OXR1: variants seen among roughly 807,000 people sequenced by gnomAD.
OXR1 encodes the protein oxidation resistance protein 1.
OXR1 carries 41 observed loss-of-function variants against 104.6 expected under a neutral mutation model. The observed-to-expected ratio is 0.39, with a 90% CI of 0.31 to 0.51. The LOEUF is 0.51. Among genes scored for constraint, OXR1 ranks in the 20% least tolerant of loss-of-function variants. The probability of loss-of-function intolerance (pLI) is 0.77; values close to 1 mark genes in which losing one functional copy is unlikely to be tolerated. For missense variants in OXR1, 955 were observed against 1,031.9 expected (o/e 0.93, Z 1.02); for synonymous variants, 348 against 348.4 (o/e 1.00, Z 0.01).
chr8:106,694,874 AT>A (rs892845148), intron 7 of OXR1, among the ~76,000 whole-genome samples: 6 of 92,734 alleles, frequency 6.5e-5, no homozygotes, highest in African/African-American at 2.9e-4. Flanking sequence ...TTTATATATA[AT>A]ATATATATTT....
chr8:106,705,279 C>G (rs1053610473), intron 8 of OXR1, among the ~76,000 whole-genome samples: 1 of 152,088 alleles, frequency 6.6e-6, no homozygotes, highest in African/African-American at 2.4e-5. Flanking sequence ...TATTTAATAA[C>G]AAACTAGATT....
chr8:106,605,993 C>T (rs1820353026), intron 3 of OXR1, among the ~76,000 whole-genome samples: 1 of 121,408 alleles, frequency 8.2e-6, no homozygotes, highest in African/African-American at 3.4e-5. Context: ...AAGTGTTTAC[C>T]AGATGTATTA....
At chr8:106,696,224 T>C (rs1002651584) in intron 7 of OXR1, among the ~76,000 whole-genome samples, 7 of 152,228 alleles carry the variant, frequency 4.6e-5, no homozygotes, top group Non-Finnish European at 8.8e-5. Flanking sequence ...TCATAGAGTA[T>C]GATTGAATGA....
chr8:106,293,928 T>C (rs572163627), intron 1 of OXR1, among the ~76,000 whole-genome samples: 2 of 151,334 alleles, frequency 1.3e-5, no homozygotes, highest in South Asian at 4.2e-4. Context: ...ATTCAGACCA[T>C]AGCATTATGA....
At chr8:106,586,358 A>G (rs1269457388) in intron 3 of OXR1, among the ~76,000 whole-genome samples, 1 of 152,224 alleles carries the variant, frequency 6.6e-6, no homozygotes, top group Non-Finnish European at 1.5e-5. Context: ...CAAAGCAGTC[A>G]TGTATTCCTC....
At chr8:106,438,025 T>G (rs1433334731) in intron 2 of OXR1, among the ~76,000 whole-genome samples, 1 of 152,174 alleles carries the variant, frequency 6.6e-6, no homozygotes, top group Non-Finnish European at 1.5e-5. Context: ...GCAGCATATT[T>G]GATGTGTGAT....
At chr8:106,585,829 G>A (rs1818587670) in intron 3 of OXR1, among the ~76,000 whole-genome samples, 1 of 152,130 alleles carries the variant, frequency 6.6e-6, no homozygotes, top group African/African-American at 2.4e-5. Flanking sequence ...CCAAGAAGCA[G>A]GAAAGTAAGG....
chr8:106,496,952 G>A (rs1443631000), intron 2 of OXR1, among the ~76,000 whole-genome samples: 1 of 152,118 alleles, frequency 6.6e-6, no homozygotes, highest in East Asian at 1.9e-4. Flanking sequence ...CAAGGAAGGG[G>A]GCACTTCCTT....
chr8:106,719,289 G>A (rs562903897), intron 11 of OXR1, among the ~76,000 whole-genome samples: 2 of 152,178 alleles, frequency 1.3e-5, no homozygotes, highest in Non-Finnish European at 2.9e-5. Flanking sequence ...AGATGAGGCA[G>A]AATGCCTATT....
intron 7 of OXR1, among the ~76,000 whole-genome samples, chr8:106,695,034 T>C (rs1369347612): frequency 1.5e-5 from 2 of 134,592 alleles, no homozygotes; most frequent in African/African-American, 2.9e-5. Flanking sequence ...TATGCCACTT[T>C]ACATATAGTA....
chr8:106,727,454 T>G (rs1225466598), intron 11 of OXR1, among the ~76,000 whole-genome samples: 1 of 152,154 alleles, frequency 6.6e-6, no homozygotes, highest in East Asian at 1.9e-4. Context: ...GGTCTCACTT[T>G]GTCACCCAGG....
intron 2 of OXR1, among the ~76,000 whole-genome samples, chr8:106,434,238 A>C (rs1005351492): frequency 1.3e-5 from 2 of 152,182 alleles, no homozygotes; most frequent in Non-Finnish European, 2.9e-5. Context: ...CAGTAAGATC[A>C]TTTGAATTAC....
chr8:106,383,613 G>A (rs1349773482), intron 2 of OXR1, among the ~76,000 whole-genome samples: 2 of 152,156 alleles, frequency 1.3e-5, no homozygotes, highest in Non-Finnish European at 2.9e-5. Flanking sequence ...TGTAGTGAGT[G>A]TACACTTTTG....
Position 106,308,013 on chromosome 8 carries a change from AACACACACACAC to A in OXR1, c.-139+37648_-139+37659del, listed in dbSNP as rs1238921361. On this transcript the variant is annotated intron_variant, in intron 1 of 16. Transcript: ENST00000517566. ...AACCAAAAGGACACACACACACACAAACACACACACACATACACACACACAGAAATTTATTAA... is the reference window on the plus strand; with the variant it reads ...AACCAAAAGGACACACACACACACAAATACACACACACAGAAATTTATTAA... Among the ~76,000 whole-genome samples the A allele has an allele frequency of 2.5e-4, 35 of 141,602 alleles. No homozygotes were observed. The East Asian group carries it at 5.6e-3, about 23-fold the overall frequency. The allele number at this position is 141,602 out of a possible 152,430, so 92.9% of individuals were successfully genotyped here.
chr8:106,497,850 A>C (rs1811520129), intron 2 of OXR1, among the ~76,000 whole-genome samples: 2 of 152,002 alleles, frequency 1.3e-5, no homozygotes, highest in Non-Finnish European at 2.9e-5. Context: ...TCAGAGAGTG[A>C]GGCCAAACAT....
intron 2 of OXR1, among the ~76,000 whole-genome samples, chr8:106,379,537 CTTTTTTT>C (rs60855438): frequency 1.8e-5 from 2 of 108,400 alleles, no homozygotes; most frequent in African/African-American, 7.3e-5. Context: ...TTCTTTCTTT[CTTTTTTT>C]TTTTTTTTTT....
chr8:106,392,719 C>T (rs1817632008), intron 2 of OXR1, among the ~76,000 whole-genome samples: 1 of 152,082 alleles, frequency 6.6e-6, no homozygotes, highest in African/African-American at 2.4e-5. Flanking sequence ...ACCTAGTTAT[C>T]ACCCTAAACC....
At chr8:106,576,552 T>G (rs1258622120) in intron 3 of OXR1, among the ~76,000 whole-genome samples, 4 of 151,214 alleles carry the variant, frequency 2.6e-5, no homozygotes, top group African/African-American at 7.3e-5. Flanking sequence ...TTGTTGAAGA[T>G]TTTTATCCAA....
intron 3 of OXR1, among the ~76,000 whole-genome samples, chr8:106,536,008 C>G (rs1044929075): frequency 1.3e-5 from 2 of 152,056 alleles, no homozygotes; most frequent in African/African-American, 4.8e-5. Flanking sequence ...ATCACGAGGT[C>G]AGGAAATCGA....
Sources: gnomAD v4.1 joint callset for allele counts (sites outside exome capture counted in the v4.1 genomes callset) on GRCh38, gnomAD v4.1.1 for gene constraint, MANE v1.5 for transcripts, NCBI Gene and HGNC (gene_info 2026-07-23, HGNC 2026-07-21) for gene names.